The following BCKDHB variants were observed in gnomAD, a reference collection of about 807,000 sequenced individuals.
BCKDHB encodes 2-oxoisovalerate dehydrogenase subunit beta, mitochondrial.
BCKDHB carries 41 observed loss-of-function variants against 48.5 expected under a neutral mutation model. That is an observed-to-expected ratio of 0.85 (90% confidence interval 0.66 to 1.10). The LOEUF is 1.10. Among genes scored for constraint, BCKDHB ranks in the 50% least tolerant of loss-of-function variants. The probability of loss-of-function intolerance (pLI) is 0.00; values close to 1 mark genes in which losing one functional copy is unlikely to be tolerated. For synonymous variants in BCKDHB, 201 were observed against 174.8 expected, an observed-to-expected ratio of 1.15 and a Z score of -1.18; for missense variants, 496 against 494.2, an observed-to-expected ratio of 1.00 and a Z score of -0.03.
At chr6:80,128,909 G>A (rs1770479207) in intron 2 of BCKDHB, among the ~76,000 whole-genome samples, 2 of 144,304 alleles carry the variant, frequency 1.4e-5, no homozygotes, top group Non-Finnish European at 3.0e-5. Flanking sequence ...TGTGTGTGTG[G>A]TAACTGTCAT....
the BCKDHB span, among the ~76,000 whole-genome samples, chr6:80,442,098 GTTAAC>G: frequency 1.3e-5 from 2 of 152,158 alleles, no homozygotes; most frequent in Non-Finnish European, 2.9e-5. Flanking sequence ...AAACTGTATA[GTTAAC>G]TTATCTTCAA....
At chr6:80,177,173 A>T (rs1773196393) in intron 6 of BCKDHB, among the ~76,000 whole-genome samples, 1 of 133,390 alleles carries the variant, frequency 7.5e-6, no homozygotes, top group Non-Finnish European at 1.5e-5. Context: ...GGCTGCAGTG[A>T]GCCATGGTGG....
At chr6:80,239,623 A>G (rs532611515) in intron 8 of BCKDHB, among the ~76,000 whole-genome samples, 1 of 152,076 alleles carries the variant, frequency 6.6e-6, no homozygotes, top group Non-Finnish European at 1.5e-5. Context: ...CCCATTTGAC[A>G]ATTTTGGCTT....
chr6:80,369,012 C>CAA, the BCKDHB span, among the ~76,000 whole-genome samples: 19 of 19,520 alleles, frequency 9.7e-4, no homozygotes, highest in African/African-American at 1.1e-3. Flanking sequence ...GACTCCATCT[C>CAA]AAAAAAAAAA....
At chr6:80,267,856 T>C (rs1662695359) in intron 8 of BCKDHB, among the ~76,000 whole-genome samples, 1 of 152,114 alleles carries the variant, frequency 6.6e-6, no homozygotes, top group South Asian at 2.1e-4. Flanking sequence ...GCTCTTCATG[T>C]AATTGTCTTT....
intron 9 of BCKDHB, among the ~76,000 whole-genome samples, chr6:80,333,528 T>A (rs1259592354): frequency 6.6e-6 from 1 of 152,184 alleles, no homozygotes; most frequent in Non-Finnish European, 1.5e-5. Flanking sequence ...TTCTCTGGAT[T>A]TCCGCCAGGA....
the BCKDHB span, among the ~76,000 whole-genome samples, chr6:80,415,011 G>GT: frequency 6.6e-6 from 1 of 151,952 alleles, no homozygotes; most frequent in Non-Finnish European, 1.5e-5. Context: ...CTGTGTGTGT[G>GT]TGTGTGTGTG....
At chr6:80,218,388 T>C (rs898588635) in intron 8 of BCKDHB, among the ~76,000 whole-genome samples, 4 of 152,174 alleles carry the variant, frequency 2.6e-5, no homozygotes, top group Non-Finnish European at 5.9e-5. Flanking sequence ...TTTTCAGGAA[T>C]CAGAAGCCTA....
chr6:80,439,559 A>G, the BCKDHB span, among the ~76,000 whole-genome samples: 1 of 152,352 alleles, frequency 6.6e-6, no homozygotes, highest in East Asian at 1.9e-4. Context: ...CGAAGTTCCC[A>G]AGATACCTCA....
intron 8 of BCKDHB, among the ~76,000 whole-genome samples, chr6:80,224,837 A>G (rs914220449): frequency 6.6e-6 from 1 of 152,234 alleles, no homozygotes; most frequent in Admixed American, 6.5e-5. Flanking sequence ...AAAAGTGCAC[A>G]GACTTTGGAA....
intron 8 of BCKDHB, among the ~76,000 whole-genome samples, chr6:80,272,618 A>G (rs895885447): frequency 3.3e-5 from 5 of 152,180 alleles, no homozygotes; most frequent in African/African-American, 1.2e-4. Flanking sequence ...TTTAGAGCAC[A>G]TTAACGAAGG....
At chr6:80,284,082 T>C (rs1766510634) in intron 9 of BCKDHB, among the ~76,000 whole-genome samples, 1 of 152,138 alleles carries the variant, frequency 6.6e-6, no homozygotes, top group African/African-American at 2.4e-5. Context: ...GTTGGTGATG[T>C]TGATAGCTCA....
At chr6:80,211,187 T>C (rs1430005960) in intron 8 of BCKDHB, among the ~76,000 whole-genome samples, 1 of 152,206 alleles carries the variant, frequency 6.6e-6, no homozygotes, top group Non-Finnish European at 1.5e-5. Context: ...GATTTTCACA[T>C]ATCTATAGAG....
chr6:80,339,594 A>G, intron 9 of BCKDHB, among the ~76,000 whole-genome samples: 1 of 152,188 alleles, frequency 6.6e-6, no homozygotes, highest in East Asian at 1.9e-4. Flanking sequence ...AGTTATGCTT[A>G]TTGGAATCAT....
chr6:80,118,984 T>G (rs1283611368), intron 1 of BCKDHB, among the ~76,000 whole-genome samples: 1 of 152,164 alleles, frequency 6.6e-6, no homozygotes, highest in Non-Finnish European at 1.5e-5. Context: ...TCTGAAGTTT[T>G]GAATCCCTCA....
At chr6:80,276,135 C>G (rs1263138487) in intron 9 of BCKDHB, among the ~76,000 whole-genome samples, 1 of 151,898 alleles carries the variant, frequency 6.6e-6, no homozygotes, top group East Asian at 1.9e-4. Flanking sequence ...GTTGGTTCAA[C>G]AAATGCAAGT....
chr6:80,368,796 A>G, the BCKDHB span, among the ~76,000 whole-genome samples: 1 of 151,980 alleles, frequency 6.6e-6, no homozygotes, highest in African/African-American at 2.4e-5. Flanking sequence ...GGATCACTGG[A>G]ATTGAGGAGT....
chr6:80,342,556 GAAAA>G (rs34127398), intron 9 of BCKDHB, among the ~76,000 whole-genome samples: 1 of 24,098 alleles, frequency 4.1e-5, no homozygotes, highest in Non-Finnish European at 7.4e-5. Context: ...CCTCATTTCT[GAAAA>G]AAAAAAAAAA....
chr6:80,252,164 A>G (rs1326830005), intron 8 of BCKDHB, among the ~76,000 whole-genome samples: 1 of 152,214 alleles, frequency 6.6e-6, no homozygotes, highest in Non-Finnish European at 1.5e-5. Context: ...TCACACAACT[A>G]GTGAGCAGAA....
Sources: gnomAD v4.1 joint callset for allele counts (sites outside exome capture counted in the v4.1 genomes callset) on GRCh38, gnomAD v4.1.1 for gene constraint, MANE v1.5 for transcripts, NCBI Gene and HGNC (gene_info 2026-07-23, HGNC 2026-07-21) for gene names.